Variants in TRPC5 observed in about 807,000 individuals in gnomAD.
The protein encoded by TRPC5 is transient receptor potential cation channel subfamily C member 5.
A neutral mutation model predicts 56.5 loss-of-function variants in TRPC5; 9 were observed. The ratio of observed to expected loss-of-function variants is 0.16; its 90% confidence interval spans 0.10 to 0.28. The LOEUF (loss-of-function observed/expected upper bound fraction) is 0.28, where lower values mean the gene tolerates loss of function less well. Ranked by LOEUF, TRPC5 falls within the 10% of genes least tolerant of loss-of-function variation. The pLI, the probability that TRPC5 is intolerant of heterozygous loss-of-function variation, is 1.00. For missense variants in TRPC5, 469 were observed against 748.9 expected (o/e 0.63, Z 4.36); for synonymous variants, 282 against 278.5 (o/e 1.01, Z -0.13).
chrX:111,910,975 C>A (rs1925799596), intron 3 of TRPC5, among the ~76,000 whole-genome samples: 1 of 112,717 alleles, frequency 8.9e-6, no homozygotes. Flanking sequence ...AGGTAAATGG[C>A]AAAAATAAAA....
intron 3 of TRPC5, among the ~76,000 whole-genome samples, chrX:111,866,408 T>C (rs943406233): frequency 1.8e-5 from 2 of 113,411 alleles, no homozygotes; most frequent in African/African-American, 6.4e-5. Flanking sequence ...GGAATCCCCC[T>C]GTTTAATCTG....
intron 1 of TRPC5, among the ~76,000 whole-genome samples, chrX:112,052,727 G>A (rs768152813): frequency 4.8e-4 from 53 of 111,350 alleles, no homozygotes; most frequent in African/African-American, 1.6e-3. Flanking sequence ...GCTTCCCCCC[G>A]GAGGTCTGTG....
At chrX:112,018,719 C>T (rs5985669) in intron 1 of TRPC5, among the ~76,000 whole-genome samples, 3,886 of 112,106 alleles carry the variant, frequency 0.035, 68 homozygotes, top group Middle Eastern at 0.055. Context: ...AGTTTCTGTG[C>T]GTGAGAAGTC....
At chrX:111,955,071 GAC>G (rs1244798240) in intron 1 of TRPC5, among the ~76,000 whole-genome samples, 1 of 111,821 alleles carries the variant, frequency 8.9e-6, no homozygotes, top group African/African-American at 3.3e-5. Context: ...AGTGAAGAGA[GAC>G]AACAGTAAAA....
At chrX:112,053,889 T>C (rs1446153159) in intron 1 of TRPC5, among the ~76,000 whole-genome samples, 1 of 111,867 alleles carries the variant, frequency 8.9e-6, no homozygotes, top group Non-Finnish European at 1.9e-5. Flanking sequence ...TTAAGTAACC[T>C]ATTAGGTCAC....
At chrX:111,984,895 A>G (rs1928174082) in intron 1 of TRPC5, among the ~76,000 whole-genome samples, 1 of 112,491 alleles carries the variant, frequency 8.9e-6, no homozygotes, top group Non-Finnish European at 1.9e-5. Context: ...TATACTATGT[A>G]TATATCAAGG....
intron 4 of TRPC5, 114 bp downstream of exon 4, chrX:111,853,656 G>GGGGGT: frequency 6.1e-6 from 4 of 652,132 alleles, no homozygotes; most frequent in Non-Finnish European, 9.6e-6. Flanking sequence ...CACACTGCAT[G>GGGGGT]GGGGTGGGGT....
At chrX:112,003,823 T>C (rs1434348687) in intron 1 of TRPC5, among the ~76,000 whole-genome samples, 1 of 111,676 alleles carries the variant, frequency 9.0e-6, no homozygotes, top group Non-Finnish European at 1.9e-5. Flanking sequence ...TCAATTTATA[T>C]TCTGAAAAGA....
rs187339836 is a variant in TRPC5, at chrX:111,825,048, G to A, written c.1896+9873C>T. On this transcript the variant is annotated intron_variant, in intron 7 of 10. Coordinates refer to ENST00000262839, the MANE Select transcript of TRPC5 (RefSeq NM_012471.3). ...ACCTCACAATGATTCAATCAGATAC[G>A]TGTTGGTTGGGGTACAGCCAGGAAA... Among the ~76,000 whole-genome samples, 31 of 111,446 alleles carry A rather than the reference G, an allele frequency of 2.8e-4. No individual in the cohort carries two copies. In the East Asian group the frequency reaches 6.2e-3, roughly 22 times the overall value.
intron 1 of TRPC5, among the ~76,000 whole-genome samples, chrX:112,081,037 C>G (rs1319809639): frequency 8.9e-6 from 1 of 112,138 alleles, no homozygotes; most frequent in Non-Finnish European, 1.9e-5. Context: ...AGGCTGGTTT[C>G]CCCGCTTCAG....
chrX:111,972,401 T>C (rs1927808276), intron 1 of TRPC5, among the ~76,000 whole-genome samples: 1 of 112,388 alleles, frequency 8.9e-6, no homozygotes, highest in South Asian at 3.7e-4. Flanking sequence ...ATTAATAGAC[T>C]CCACGCATAG....
At chrX:112,078,762 A>G (rs146142643) in intron 1 of TRPC5, among the ~76,000 whole-genome samples, 1 of 112,119 alleles carries the variant, frequency 8.9e-6, no homozygotes, top group East Asian at 2.8e-4. Context: ...TCAGTTGAGC[A>G]TGATGTACAT....
intron 3 of TRPC5, among the ~76,000 whole-genome samples, chrX:111,899,004 T>C (rs1000822892): frequency 1.8e-5 from 2 of 110,625 alleles, no homozygotes; most frequent in African/African-American, 6.6e-5. Flanking sequence ...AGTTGGTTGC[T>C]TTGGAAATTA....
chrX:111,841,838 G>A (rs984270026), intron 6 of TRPC5, among the ~76,000 whole-genome samples: 1 of 109,603 alleles, frequency 9.1e-6, no homozygotes, highest in African/African-American at 3.3e-5. Flanking sequence ...AGCCTCCTGA[G>A]TAGCTGGGAT....
At chrX:111,807,361 T>C (rs1254210392) in intron 7 of TRPC5, among the ~76,000 whole-genome samples, 1 of 112,418 alleles carries the variant, frequency 8.9e-6, no homozygotes, top group Non-Finnish European at 1.9e-5. Context: ...GACTCATGCA[T>C]TCTTCAGTAT....
intron 2 of TRPC5, among the ~76,000 whole-genome samples, chrX:111,950,982 G>A (rs1333379687): frequency 8.9e-6 from 1 of 112,142 alleles, no homozygotes. Flanking sequence ...GCAAAAGGAT[G>A]CACAGGAATG....
intron 1 of TRPC5, among the ~76,000 whole-genome samples, chrX:111,952,836 A>G (rs1927130039): frequency 8.9e-6 from 1 of 111,886 alleles, no homozygotes; most frequent in African/African-American, 3.2e-5. Flanking sequence ...GTGAGAGTTA[A>G]ATAAGATATA....
chrX:111,898,277 A>G (rs751627747), intron 3 of TRPC5, among the ~76,000 whole-genome samples: 1 of 95,026 alleles, frequency 1.1e-5, no homozygotes, highest in Admixed American at 1.1e-4. Context: ...ATATATATAT[A>G]GACACACACG....
At chrX:111,999,111 A>G (rs1003056431) in intron 1 of TRPC5, among the ~76,000 whole-genome samples, 15 of 110,342 alleles carry the variant, frequency 1.4e-4, no homozygotes, top group African/African-American at 5.0e-4. Flanking sequence ...AACCCCTGAC[A>G]GTTCCCAGTG....
Sources: allele counts gnomAD v4.1 joint callset (sites outside exome capture counted in the v4.1 genomes callset), GRCh38; gene constraint gnomAD v4.1.1; transcripts MANE v1.5; gene names NCBI Gene and HGNC (gene_info 2026-07-23, HGNC 2026-07-21).